Variants in QRFPR observed in about 807,000 individuals in gnomAD.
QRFPR encodes the protein pyroglutamylated RF-amide peptide receptor.
A neutral mutation model predicts 31.3 loss-of-function variants in QRFPR; 37 were observed. The ratio of observed to expected loss-of-function variants is 1.18; its 90% confidence interval spans 0.91 to 1.56. The LOEUF (loss-of-function observed/expected upper bound fraction) is 1.56. Ranked by LOEUF, QRFPR falls within the 40% of genes most tolerant of loss-of-function variation. QRFPR has a pLI of 0.00. For missense variants in QRFPR, 542 were observed against 532.5 expected (o/e 1.02, Z -0.18); for synonymous variants, 197 against 192.0 (o/e 1.03, Z -0.22).
chr4:121,331,729 T>C (rs1725330787), intron 4 of QRFPR, among the ~76,000 whole-genome samples: 1 of 151,598 alleles, frequency 6.6e-6, no homozygotes, highest in African/African-American at 2.4e-5. Flanking sequence ...CTCGGCTCAC[T>C]GCAACCTCAG....
At chr4:121,337,085 T>A (rs1207250458) in intron 2 of QRFPR, among the ~76,000 whole-genome samples, 2 of 152,236 alleles carry the variant, frequency 1.3e-5, no homozygotes, top group Non-Finnish European at 2.9e-5. Context: ...CATTTAATAG[T>A]GTTTCACTGC....
intron 1 of QRFPR, among the ~76,000 whole-genome samples, chr4:121,344,347 G>C (rs1034772992): frequency 6.6e-6 from 1 of 152,094 alleles, no homozygotes; most frequent in African/African-American, 2.4e-5. Flanking sequence ...TTGTCTACCT[G>C]CTCATAAATC....
At position 121,329,530 on chromosome 4, in the gene QRFPR, T is replaced by G. The variant is rs761483325; in HGVS notation, c.1080A>C (p.Gln360His). The G allele has an allele frequency of 1.2e-6, 2 of 1,613,974 alleles. No homozygotes were observed. Among genetic ancestry groups the G allele is most frequent in the Non-Finnish European group, 1.7e-6 (2 of 1,179,886 alleles). The change falls in exon 6 of 6, where the codon CAA (glutamine) becomes CAC (histidine). Residue 360 changes from glutamine to histidine, a missense_variant. Gln to His is a conservative substitution (Grantham distance 24). Coordinates refer to ENST00000394427, the MANE Select transcript of QRFPR (RefSeq NM_198179.3). ...CIVNKTFSPA[Q>H]RHGNSGITMM... ...TTGTAATTCCTGAATTTCCATGCCT[T>G]TGTGCTGGAGAGAAGGTTTTATTTA...
intron 1 of QRFPR, among the ~76,000 whole-genome samples, chr4:121,357,952 G>A (rs990343703): frequency 1.3e-5 from 2 of 151,936 alleles, no homozygotes; most frequent in African/African-American, 4.8e-5. Flanking sequence ...TCACCTATGG[G>A]TCATACACTA....
Position 121,329,318 on chromosome 4 carries a change from T to A in QRFPR, c.1292A>T (p.His431Leu). The A allele has an allele frequency of 6.3e-7, 1 of 1,597,876 alleles. No homozygotes were observed. Among genetic ancestry groups the A allele is most frequent in the Non-Finnish European group, 8.5e-7 (1 of 1,172,600 alleles). The change falls in exon 6 of 6, where the codon CAT (histidine) becomes CTT (leucine). Residue 431 changes from histidine to leucine, a missense_variant. Coordinates refer to ENST00000394427, the MANE Select transcript of QRFPR (RefSeq NM_198179.3). The stretch of plus-strand genomic sequence containing the variant: ...ATTATGAAGATATTGTTATAATTAA[T>A]GCCCACTGTCTAAAGGAGAATTCTC... ...LAENSPLDSG[H>L]
Position 121,380,306 on chromosome 4 carries a change from AC to A in QRFPR, c.340+1del, listed in dbSNP as rs747377556. ...AGCGAAGGAGCGGGGCGCGACTCTT[AC>A]CCCCCAGCCAGTTGTCGGAAATGTT... On this transcript the variant is annotated splice_donor_variant, in intron 1 of 5. Transcript: ENST00000394427. LOFTEE classifies it high-confidence loss of function. The A allele has an allele frequency of 5.6e-6, 9 of 1,607,086 alleles. No homozygotes were observed. The highest frequency in any genetic ancestry group is 2.7e-5 in the African/African-American group (2 of 73,990).
intron 1 of QRFPR, among the ~76,000 whole-genome samples, chr4:121,371,276 C>A (rs1314219574): frequency 6.6e-6 from 1 of 152,146 alleles, no homozygotes; most frequent in East Asian, 1.9e-4. Context: ...AAACAATAAG[C>A]ACTTACTTAA....
At chr4:121,378,408 T>G (rs1194535277) in intron 1 of QRFPR, among the ~76,000 whole-genome samples, 1 of 64,848 alleles carries the variant, frequency 1.5e-5, no homozygotes, top group Admixed American at 1.3e-4. Context: ...CTCACTGCAC[T>G]TTTTTTTTTT....
At chr4:121,352,955 A>G (rs1725792424) in intron 1 of QRFPR, among the ~76,000 whole-genome samples, 1 of 152,032 alleles carries the variant, frequency 6.6e-6, no homozygotes, top group Non-Finnish European at 1.5e-5. Context: ...CATATGAGTG[A>G]GAACACGTGA....
intron 4 of QRFPR, among the ~76,000 whole-genome samples, chr4:121,330,763 A>G (rs1299898155): frequency 6.6e-6 from 1 of 152,186 alleles, no homozygotes; most frequent in Non-Finnish European, 1.5e-5. Flanking sequence ...CATGACATGG[A>G]TAATGTCATT....
chr4:121,360,174 G>A (rs1189629926), intron 1 of QRFPR, among the ~76,000 whole-genome samples: 1 of 152,146 alleles, frequency 6.6e-6, no homozygotes, highest in Non-Finnish European at 1.5e-5. Context: ...GCCCTAGGCA[G>A]AAATCATATA....
chr4:121,330,278 C>G, intron 5 of QRFPR, 148 bp downstream of exon 5: 1 of 619,158 alleles, frequency 1.6e-6, no homozygotes. Flanking sequence ...CACATAATGA[C>G]CTTGTGATCT....
intron 2 of QRFPR, among the ~76,000 whole-genome samples, chr4:121,338,864 C>G (rs554962293): frequency 6.6e-6 from 1 of 152,194 alleles, no homozygotes; most frequent in Non-Finnish European, 1.5e-5. Context: ...TTGTCACTCG[C>G]GCTACTTCTC....
intron 1 of QRFPR, among the ~76,000 whole-genome samples, chr4:121,365,621 T>A (rs76364324): frequency 0.49 from 10,782 of 21,962 alleles, 2,445 homozygotes; most frequent in Non-Finnish European, 0.52. Flanking sequence ...ATTATATATA[T>A]TATATATTAT....
In QRFPR at chr4:121,340,518, G is replaced by T. The variant is rs544465526; in HGVS notation, c.433C>A (p.Gln145Lys). The T allele has an allele frequency of 1.2e-6, 2 of 1,613,986 alleles. No individual in the cohort carries two copies. Among genetic ancestry groups the T allele is most frequent in the African/African-American group, 1.3e-5 (1 of 75,016 alleles). Residue 145 changes from glutamine to lysine, a missense_variant, in exon 2 of 6, where the codon CAG becomes AAG. By Grantham distance (53) the Gln-to-Lys change is moderately conservative. Transcript: ENST00000394427. ...TMTCIAVERH[Q>K]GLVHPFKMKW... Reference sequence around the variant, plus strand: ...ATTTTAAAAGGATGCACAAGTCCCTGGTGCCTTTCCACAGCAATGCAGGTC... The same window carrying T: ...ATTTTAAAAGGATGCACAAGTCCCTTGTGCCTTTCCACAGCAATGCAGGTC...
At position 121,374,144 on chromosome 4, in the gene QRFPR, C is replaced by T. The variant is rs574064083; in HGVS notation, c.340+6164G>A. Among the ~76,000 whole-genome samples the T allele has an allele frequency of 4.3e-4, 66 of 152,256 alleles. 1 individual carries two copies. In the South Asian group the frequency reaches 0.013, roughly 30 times the overall value. ...TATGTCTTATATTCCAATCTTTTCA[C>T]CATTTTTGAATCCTTTCCAAATTCA... On this transcript the variant is annotated intron_variant, in intron 1 of 5. Coordinates refer to ENST00000394427, the MANE Select transcript of QRFPR (RefSeq NM_198179.3).
intron 1 of QRFPR, among the ~76,000 whole-genome samples, chr4:121,373,628 C>T (rs931686541): frequency 6.6e-6 from 1 of 152,102 alleles, no homozygotes; most frequent in African/African-American, 2.4e-5. Flanking sequence ...TCTGAAATAT[C>T]ATAGAAAAAA....
chr4:121,354,410 T>A (rs1182741385), intron 1 of QRFPR, among the ~76,000 whole-genome samples: 2 of 152,044 alleles, frequency 1.3e-5, no homozygotes, highest in Admixed American at 6.6e-5. Context: ...ATAGTTTTCA[T>A]TGTAGAAATC....
intron 1 of QRFPR, among the ~76,000 whole-genome samples, chr4:121,365,575 T>A (rs1221688471): frequency 1.3e-3 from 2 of 1,488 alleles, no homozygotes; most frequent in African/African-American, 3.8e-3. Flanking sequence ...TTATATATAA[T>A]ATATATTATA....
Sources: allele counts gnomAD v4.1 joint callset (sites outside exome capture counted in the v4.1 genomes callset), GRCh38; gene constraint gnomAD v4.1.1; transcripts MANE v1.5; gene names NCBI Gene and HGNC (gene_info 2026-07-23, HGNC 2026-07-21).